The following FBRSL1 variants were observed in gnomAD, a reference collection of about 807,000 sequenced individuals.
The protein encoded by FBRSL1 is fibrosin like 1, also known as fibrosin-1-like protein.
FBRSL1 carries 51 observed loss-of-function variants against 89.6 expected under a neutral mutation model. The observed-to-expected ratio is 0.57, with a 90% CI of 0.45 to 0.72. The LOEUF (loss-of-function observed/expected upper bound fraction) is 0.72. Ranked by LOEUF, FBRSL1 falls within the 30% of genes least tolerant of loss-of-function variation. FBRSL1 has a pLI of 0.00. For missense variants in FBRSL1, 1,618 were observed against 1,451.8 expected, an observed-to-expected ratio of 1.11 and a Z score of -1.86; for synonymous variants, 779 against 681.1, an observed-to-expected ratio of 1.14 and a Z score of -2.24.
rs774580845 is a variant in FBRSL1 at position 132,583,411 on chromosome 12, C to G, written c.2642C>G (p.Pro881Arg). The stretch of plus-strand genomic sequence containing the variant: ...GGCTCCGCCGCCCTCTTGGAGCCCC[C>G]GGAGCGCCCCTACCGCGACCGCGAG... Reference protein sequence around the residue: ...APGSAALLEPPERPYRDREPH... With the variant: ...APGSAALLEPRERPYRDREPH... Residue 881 changes from proline to arginine, a missense_variant, in exon 19 of 19, where the codon CCG (proline) becomes CGG (arginine). Coordinates refer to ENST00000680143, the MANE Select transcript of FBRSL1 (RefSeq NM_001367871.1). 7 of 1,077,492 alleles carry G rather than the reference C, an allele frequency of 6.5e-6. No homozygotes were observed. The highest frequency in any genetic ancestry group is 3.0e-5 in the South Asian group (1 of 33,724). 66.7% of individuals were successfully genotyped at this position (1,077,492 alleles called of 1,614,324 possible). A position where few individuals can be genotyped will look rare whatever the true frequency, so the allele number is the denominator to read the frequency against.
At chr12:132,521,924 G>C (rs1234545720) in intron 2 of FBRSL1, among the ~76,000 whole-genome samples, 1 of 152,198 alleles carries the variant, frequency 6.6e-6, no homozygotes, top group African/African-American at 2.4e-5. Context: ...CCTTGGGGCG[G>C]GTCTGGGGAG....
chr12:132,518,259 C>T (rs1021883723), intron 2 of FBRSL1, among the ~76,000 whole-genome samples: 6 of 151,922 alleles, frequency 3.9e-5, no homozygotes, highest in Non-Finnish European at 8.8e-5. Flanking sequence ...CCTGTCTGTC[C>T]ATCCATCCAC....
chr12:132,494,770 G>T (rs971866603), intron 1 of FBRSL1, among the ~76,000 whole-genome samples: 10 of 152,186 alleles, frequency 6.6e-5, no homozygotes, highest in African/African-American at 1.9e-4. Context: ...CTGGCACACG[G>T]GCCACGCAGA....
chr12:132,556,741 CTT>C (rs2038697936), intron 5 of FBRSL1, among the ~76,000 whole-genome samples: 1 of 64,146 alleles, frequency 1.6e-5, no homozygotes, highest in Non-Finnish European at 3.2e-5. Context: ...TTCTTCAGGC[CTT>C]CGTGCTGCAC....
At chr12:132,568,512 C>T (rs928438914) in intron 6 of FBRSL1, among the ~76,000 whole-genome samples, 14 of 152,256 alleles carry the variant, frequency 9.2e-5, no homozygotes, top group Admixed American at 8.5e-4. Flanking sequence ...CGCGGGGCTG[C>T]TGAATACTCA....
In FBRSL1 at chr12:132,583,655, G is replaced by GGCCGGGCCCCCCACGCCC. The variant is rs2040952923; in HGVS notation, c.2887_2904dup (p.Ala963_Pro968dup). 2 of 1,048,642 alleles carry GGCCGGGCCCCCCACGCCC rather than the reference G, an allele frequency of 1.9e-6. No individual in the cohort carries two copies. The highest frequency in any genetic ancestry group is 2.3e-6 in the Non-Finnish European group (2 of 870,096). The allele number at this position is 1,048,642 out of a possible 1,614,324, so 65.0% of individuals were successfully genotyped here. On this transcript the variant is annotated inframe_insertion, in exon 19 of 19. Coordinates refer to ENST00000680143, the MANE Select transcript of FBRSL1 (RefSeq NM_001367871.1). ...GCGCACCGCCCCCCCTGGTGACGGCGGCCGGGCCCCCCACGCCCCCCGGGC... is the reference window on the plus strand; with the variant it reads ...GCGCACCGCCCCCCCTGGTGACGGCGGCCGGGCCCCCCACGCCCGCCGGGCCCCCCACGCCCCCCGGGC...
At chr12:132,507,208 C>T in intron 1 of FBRSL1, 1 of 985,622 alleles carries the variant, frequency 1.0e-6, no homozygotes, top group South Asian at 4.7e-5. Flanking sequence ...GCAGCTCTGA[C>T]ATGGGTTCTG....
At chr12:132,508,031 C>T (rs987824900) in intron 1 of FBRSL1, 122 bp from the exon 2 acceptor site, 15 of 998,136 alleles carry the variant, frequency 1.5e-5, no homozygotes, top group Non-Finnish European at 1.9e-5. Flanking sequence ...TCTTCCTTTC[C>T]CTCTGAGGTG....
intron 4 of FBRSL1, among the ~76,000 whole-genome samples, chr12:132,544,978 TC>T (rs1422773088): frequency 6.6e-6 from 1 of 152,190 alleles, no homozygotes; most frequent in Non-Finnish European, 1.5e-5. Context: ...CACACAGTAA[TC>T]CTATGAGCTG....
intron 1 of FBRSL1, among the ~76,000 whole-genome samples, chr12:132,505,556 A>T (rs2033579713): frequency 6.6e-6 from 1 of 152,124 alleles, no homozygotes; most frequent in South Asian, 2.1e-4. Context: ...GTGGCCTTGG[A>T]CGGGACGCTG....
chr12:132,498,265 G>T (rs866395251), intron 1 of FBRSL1, among the ~76,000 whole-genome samples: 4 of 152,168 alleles, frequency 2.6e-5, no homozygotes, highest in Non-Finnish European at 5.9e-5. Flanking sequence ...GGGGCCGGGG[G>T]CTGTGTTGGG....
At chr12:132,525,385 C>T (rs1026590058) in intron 2 of FBRSL1, among the ~76,000 whole-genome samples, 1 of 152,178 alleles carries the variant, frequency 6.6e-6, no homozygotes, top group Non-Finnish European at 1.5e-5. Flanking sequence ...TCAAAGTCAG[C>T]GGCTTGTGGA....
chr12:132,583,154 G>A lies in FBRSL1; in HGVS notation c.2385G>A (p.Lys795=). 6.8e-7 allele frequency: 1 copy of A among 1,464,064 alleles called. No individual in the cohort carries two copies. The allele number at this position is 1,464,064 out of a possible 1,614,324, so 90.7% of individuals were successfully genotyped here. ...SRSPAKEEAA[K]MPARASPPHS... ...CCCCGGCCAAGGAGGAGGCCGCCAA[G>A]ATGCCCGCGCGCGCATCCCCGCCCC... The change falls in exon 19 of 19, where the codon AAG becomes AAA. Residue 795 remains lysine (K), a synonymous_variant. Transcript: ENST00000680143.
chr12:132,500,251 C>T (rs1326072047), intron 1 of FBRSL1, among the ~76,000 whole-genome samples: 2 of 152,146 alleles, frequency 1.3e-5, no homozygotes, highest in African/African-American at 2.4e-5. Flanking sequence ...TCCTGGCTGG[C>T]GGCTTTAGGG....
intron 5 of FBRSL1, among the ~76,000 whole-genome samples, chr12:132,562,322 T>C (rs1242854416): frequency 1.3e-5 from 2 of 150,540 alleles, no homozygotes; most frequent in Admixed American, 1.3e-4. Flanking sequence ...ATTCTAGGGG[T>C]GGTGGCCGCA....
At position 132,583,090 on chromosome 12, in the gene FBRSL1, CGGA is replaced by C. The variant is rs2040898101; in HGVS notation, c.2323_2325del (p.Glu775del). 3.5e-6 allele frequency: 5 copies of C among 1,448,420 alleles called. No individual in the cohort carries two copies. The highest frequency in any genetic ancestry group is 4.5e-6 in the Non-Finnish European group (5 of 1,104,470). The allele number at this position is 1,448,420 out of a possible 1,614,324, so 89.7% of individuals were successfully genotyped here. A position where few individuals can be genotyped will look rare whatever the true frequency, so the allele number is the denominator to read the frequency against. ...GAGCTGGGCCGGTCCGGGGCCCCCG[CGGA>C]GCGCGAGGCCGAACCTCGGGTCAAG... On this transcript the variant is annotated inframe_deletion, in exon 19 of 19. Coordinates refer to ENST00000680143, the MANE Select transcript of FBRSL1 (RefSeq NM_001367871.1).
intron 5 of FBRSL1, among the ~76,000 whole-genome samples, chr12:132,560,795 C>T (rs866833257): frequency 6.6e-6 from 1 of 152,246 alleles, no homozygotes; most frequent in Non-Finnish European, 1.5e-5. Flanking sequence ...CACCTGTACC[C>T]TGGGCTTGAG....
intron 1 of FBRSL1, among the ~76,000 whole-genome samples, chr12:132,498,261 G>A (rs1422016391): frequency 2.0e-5 from 3 of 152,168 alleles, no homozygotes; most frequent in Admixed American, 6.5e-5. Context: ...GCATGGGGCC[G>A]GGGGCTGTGT....
At position 132,583,618 on chromosome 12, in the gene FBRSL1, CCGCCGCCCTCGGCG is replaced by C; in HGVS notation, c.2851_2864del (p.Ala951ThrfsTer70). 1 of 992,942 alleles carries C rather than the reference CCGCCGCCCTCGGCG, an allele frequency of 1.0e-6. No individual in the cohort carries two copies. Among genetic ancestry groups the C allele is most frequent in the Non-Finnish European group, 1.2e-6 (1 of 835,980 alleles). The allele number at this position is 992,942 out of a possible 1,614,324, so 61.5% of individuals were successfully genotyped here. ...CTCCTGGCGCGGACCCCGCCCGCCGCCGCCGCCCTCGGCGCACCGCCCCCCCTGGTGACGGCGGC... is the reference window on the plus strand; with the variant it reads ...CTCCTGGCGCGGACCCCGCCCGCCGCCACCGCCCCCCCTGGTGACGGCGGC... On this transcript the variant is annotated frameshift_variant, in exon 19 of 19. Coordinates refer to ENST00000680143, the MANE Select transcript of FBRSL1 (RefSeq NM_001367871.1). LOFTEE classifies it high-confidence loss of function.
Sources: gnomAD v4.1 joint callset for allele counts (sites outside exome capture counted in the v4.1 genomes callset) on GRCh38, gnomAD v4.1.1 for gene constraint, MANE v1.5 for transcripts, NCBI Gene and HGNC (gene_info 2026-07-23, HGNC 2026-07-21) for gene names.